The following PTPRD variants were observed in gnomAD, a reference collection of about 807,000 sequenced individuals.
The protein encoded by PTPRD is protein tyrosine phosphatase receptor type D.
In PTPRD, 34 loss-of-function variants were observed where a neutral mutation model predicts 214.5. That is an observed-to-expected ratio of 0.16 (90% CI 0.12 to 0.21). The LOEUF is 0.21. PTPRD is among the 10% of genes least tolerant of loss of function. PTPRD has a pLI of 1.00. For missense variants in PTPRD, 2,545 were observed against 2,398.7 expected (o/e 1.06, Z -1.27); for synonymous variants, 1,128 against 845.7 (o/e 1.33, Z -5.79).
In PTPRD at chr9:9,202,193, C is replaced by T. The variant is rs956376063; in HGVS notation, c.-202-18830G>A. The stretch of plus-strand genomic sequence containing the variant: ...GACAGTTTGTCAGCAGTAGTAACAA[C>T]GATTAATGAATCTCTTCATTCTACT... On this transcript the variant is annotated intron_variant, in intron 9 of 45. Coordinates refer to ENST00000381196, the MANE Select transcript of PTPRD (RefSeq NM_002839.4). 3.5e-4 allele frequency among the ~76,000 whole-genome samples: 53 copies of T among 152,088 alleles called. 2 individuals carry two copies. The highest frequency in any genetic ancestry group is 7.2e-4 in the Admixed American group (11 of 15,264).
chr9:8,334,350 T>TACAA (rs1587920052), intron 43 of PTPRD, among the ~76,000 whole-genome samples: 1 of 145,348 alleles, frequency 6.9e-6, no homozygotes, highest in Admixed American at 7.5e-5. Context: ...CAGACCACAG[T>TACAA]GCAATCAAAT....
intron 3 of PTPRD, among the ~76,000 whole-genome samples, chr9:10,212,294 T>C (rs1030064944): frequency 6.6e-6 from 1 of 151,994 alleles, no homozygotes; most frequent in African/African-American, 2.4e-5. Context: ...CTCATAGAAA[T>C]TGATATCAAG....
intron 10 of PTPRD, among the ~76,000 whole-genome samples, chr9:9,169,547 C>G (rs893816456): frequency 6.6e-6 from 1 of 152,136 alleles, no homozygotes; most frequent in African/African-American, 2.4e-5. Flanking sequence ...AAGAAAGTCT[C>G]TTTACATAGA....
chr9:9,609,767 G>A (rs535760191), intron 7 of PTPRD, among the ~76,000 whole-genome samples: 4 of 152,246 alleles, frequency 2.6e-5, no homozygotes, highest in African/African-American at 9.6e-5. Flanking sequence ...CTGGCACAAT[G>A]TGAACTTTCA....
At chr9:8,329,248 T>C (rs1018766516) in intron 44 of PTPRD, among the ~76,000 whole-genome samples, 7 of 152,140 alleles carry the variant, frequency 4.6e-5, no homozygotes, top group South Asian at 2.1e-4. Flanking sequence ...GTCTGTCTGT[T>C]TGTTATTTTC....
chr9:10,067,993 T>C (rs1275936049), intron 3 of PTPRD, among the ~76,000 whole-genome samples: 1 of 151,958 alleles, frequency 6.6e-6, no homozygotes, highest in Non-Finnish European at 1.5e-5. Context: ...AGCGCCACAC[T>C]GAATCACAAT....
intron 7 of PTPRD, among the ~76,000 whole-genome samples, chr9:9,673,274 A>G (rs1267209846): frequency 2.0e-5 from 3 of 151,964 alleles, no homozygotes; most frequent in Non-Finnish European, 4.4e-5. Context: ...ACTATCAGCT[A>G]CAGGAAGAAA....
At chr9:8,750,584 A>G (rs1451484528) in intron 11 of PTPRD, among the ~76,000 whole-genome samples, 1 of 152,166 alleles carries the variant, frequency 6.6e-6, no homozygotes, top group Non-Finnish European at 1.5e-5. Flanking sequence ...ACAGGAAAGG[A>G]CCCTAGAGAA....
In PTPRD at chr9:9,580,547, C is replaced by CTTTTTTTTT. The variant is rs1176394314; in HGVS notation, c.-286-5775_-286-5767dup. Among the ~76,000 whole-genome samples the CTTTTTTTTT allele has an allele frequency of 2.0e-4, 25 of 123,082 alleles. 1 individual carries two copies. Among genetic ancestry groups the CTTTTTTTTT allele is most frequent in the East Asian group, 4.5e-4 (2 of 4,412 alleles). 80.7% of individuals were successfully genotyped at this position (123,082 alleles called of 152,430 possible). A position where few individuals can be genotyped will look rare whatever the true frequency, so the allele number is the denominator to read the frequency against. On this transcript the variant is annotated intron_variant, in intron 7 of 45. Coordinates refer to ENST00000381196, the MANE Select transcript of PTPRD (RefSeq NM_002839.4). ...TCATGTCCTTAGCTTACTTTATTTT[C>CTTTTTTTTT]TTTTTTTTTTTTTTTTTTTGAGACA...
At chr9:9,000,625 G>A (rs2099414340) in intron 11 of PTPRD, among the ~76,000 whole-genome samples, 2 of 151,800 alleles carry the variant, frequency 1.3e-5, no homozygotes, top group African/African-American at 4.8e-5. Context: ...GCACCATCTG[G>A]ACACCTGACA....
intron 7 of PTPRD, among the ~76,000 whole-genome samples, chr9:9,583,903 G>T (rs571573572): frequency 6.6e-6 from 1 of 151,960 alleles, no homozygotes; most frequent in Non-Finnish European, 1.5e-5. Flanking sequence ...CGCCATGGTT[G>T]GCTACTTTAA....
intron 2 of PTPRD, among the ~76,000 whole-genome samples, chr9:10,412,635 C>A (rs1587639088): frequency 3.5e-3 from 3 of 848 alleles, no homozygotes; most frequent in Non-Finnish European, 6.8e-3. Context: ...CACACACAAA[C>A]ACACACACAC....
chr9:8,457,223 G>A (rs1297985093), intron 33 of PTPRD, among the ~76,000 whole-genome samples: 2 of 152,114 alleles, frequency 1.3e-5, no homozygotes, highest in Non-Finnish European at 2.9e-5. Context: ...CATGCAACCA[G>A]CTAGTCACAG....
intron 12 of PTPRD, among the ~76,000 whole-genome samples, chr9:8,669,086 T>C (rs1332845473): frequency 6.6e-6 from 1 of 151,616 alleles, no homozygotes; most frequent in Admixed American, 6.6e-5. Flanking sequence ...GGGAGGGAGG[T>C]ACTCCTTGCC....
chr9:9,103,808 C>G (rs1214783370), intron 10 of PTPRD, among the ~76,000 whole-genome samples: 1 of 152,022 alleles, frequency 6.6e-6, no homozygotes, highest in Non-Finnish European at 1.5e-5. Flanking sequence ...CGATGAAACC[C>G]TGTCTCTACA....
intron 8 of PTPRD, among the ~76,000 whole-genome samples, chr9:9,457,632 T>C (rs2093192630): frequency 6.6e-6 from 1 of 152,088 alleles, no homozygotes; most frequent in Admixed American, 6.6e-5. Flanking sequence ...GTGATGTGAG[T>C]TTTAGAGACA....
intron 11 of PTPRD, among the ~76,000 whole-genome samples, chr9:9,011,939 T>C (rs774500398): frequency 7.9e-5 from 12 of 152,140 alleles, no homozygotes; most frequent in Admixed American, 2.0e-4. Flanking sequence ...TTCTAACCAA[T>C]AGAACTTGGT....
intron 2 of PTPRD, among the ~76,000 whole-genome samples, chr9:10,556,762 G>A (rs2062699675): frequency 6.6e-6 from 1 of 152,046 alleles, no homozygotes; most frequent in Non-Finnish European, 1.5e-5. Context: ...ATCTAAATAT[G>A]AGATTAATTA....
At chr9:9,476,019 A>T (rs2095011995) in intron 8 of PTPRD, among the ~76,000 whole-genome samples, 1 of 152,232 alleles carries the variant, frequency 6.6e-6, no homozygotes, top group South Asian at 2.1e-4. Flanking sequence ...CATAGACTGT[A>T]CATTATATCT....
Sources: gnomAD v4.1 joint callset for allele counts (sites outside exome capture counted in the v4.1 genomes callset) on GRCh38, gnomAD v4.1.1 for gene constraint, MANE v1.5 for transcripts, NCBI Gene and HGNC (gene_info 2026-07-23, HGNC 2026-07-21) for gene names.